The following RAMP1 variants were observed in gnomAD, a reference collection of about 807,000 sequenced individuals.
The protein encoded by RAMP1 is receptor activity modifying protein 1.
A neutral mutation model predicts 8.2 loss-of-function variants in RAMP1; 7 were observed. That is an observed-to-expected ratio of 0.85 (90% CI 0.49 to 1.60). The LOEUF (loss-of-function observed/expected upper bound fraction) is 1.60, where lower values mean the gene tolerates loss of function less well. RAMP1 is among the 40% of genes most tolerant of loss of function. The pLI is 0.00. For missense variants in RAMP1, 192 were observed against 202.4 expected, an observed-to-expected ratio of 0.95 and a Z score of 0.31; for synonymous variants, 92 against 84.7, an observed-to-expected ratio of 1.09 and a Z score of -0.47.
intron 2 of RAMP1, among the ~76,000 whole-genome samples, chr2:237,891,121 G>A (rs2062483122): frequency 1.3e-5 from 2 of 150,718 alleles, no homozygotes; most frequent in Non-Finnish European, 3.0e-5. Flanking sequence ...CTTTCTATAG[G>A]TTTTGATATG....
intron 1 of RAMP1, among the ~76,000 whole-genome samples, chr2:237,869,299 T>C (rs1406886393): frequency 1.3e-5 from 2 of 152,254 alleles, no homozygotes; most frequent in Admixed American, 6.5e-5. Flanking sequence ...CCACATAAAA[T>C]GTACCATCTT....
upstream of RAMP1, chr2:237,859,264 C>G (rs534236571): frequency 6.6e-6 from 1 of 152,520 alleles, no homozygotes; most frequent in South Asian, 2.1e-4. Context: ...GCAAGGCAAA[C>G]ACCAGGCAGG....
chr2:237,867,167 G>A (rs1417872453), intron 1 of RAMP1, among the ~76,000 whole-genome samples: 2 of 152,140 alleles, frequency 1.3e-5, no homozygotes, highest in South Asian at 2.1e-4. Flanking sequence ...TCCAGGGGGT[G>A]GAGGTTGCAA....
At position 237,877,325 on chromosome 2, in the gene RAMP1, G is replaced by C. The variant is rs760459192; in HGVS notation, c.154G>C (p.Gly52Arg). Residue 52 changes from glycine (G) to arginine (R), a missense_variant, in exon 2 of 3, where the codon GGG becomes CGG. Coordinates refer to ENST00000254661, the MANE Select transcript of RAMP1 (RefSeq NM_005855.4). The surrounding 1 kb of genome is among the most constrained non-coding windows in gnomAD (Gnocchi z 4.4). ...TQFQVDMEAV[G>R]ETLWCDWGRT... ...GTTCCAGGTAGACATGGAGGCCGTCGGGGAGACGCTGTGGTGTGACTGGGG... is the reference window on the plus strand; with the variant it reads ...GTTCCAGGTAGACATGGAGGCCGTCCGGGAGACGCTGTGGTGTGACTGGGG... The C allele has an allele frequency of 1.9e-6, 3 of 1,613,874 alleles. No homozygotes were observed. The highest frequency in any genetic ancestry group is 2.5e-6 in the Non-Finnish European group (3 of 1,179,938).
At chr2:237,900,509 GA>G (rs2062586720) in intron 2 of RAMP1, among the ~76,000 whole-genome samples, 1 of 152,188 alleles carries the variant, frequency 6.6e-6, no homozygotes, top group South Asian at 2.1e-4. Context: ...GCCATTTGGA[GA>G]GATTTATTTT....
chr2:237,882,132 ATGCAAACGTCCATCTC>A (rs1420771017), intron 2 of RAMP1, among the ~76,000 whole-genome samples: 3 of 152,288 alleles, frequency 2.0e-5, no homozygotes, highest in Admixed American at 2.0e-4. Flanking sequence ...TGTCCCATTT[ATGCAAACGTCCATCTC>A]TGCTCCCCGT....
intron 2 of RAMP1, among the ~76,000 whole-genome samples, chr2:237,885,811 C>G (rs933868984): frequency 6.6e-6 from 1 of 152,228 alleles, no homozygotes; most frequent in African/African-American, 2.4e-5. Context: ...TCTGCCCCCC[C>G]TGGGTGGGAG....
Position 237,859,723 on chromosome 2 carries a change from C to T in RAMP1, c.48C>T (p.Leu16=), listed in dbSNP as rs2304437. 24,177 of 1,513,486 alleles carry T rather than the reference C, an allele frequency of 0.016. 1,837 individuals are homozygous for T. The East Asian group carries it at 0.26, about 17-fold the overall frequency. The allele number at this position is 1,513,486 out of a possible 1,614,324, so 93.8% of individuals were successfully genotyped here. The part of the protein sequence containing the change: ...CRLPRRGLWL[L]LAHHLFMTTA... ...TCCCGCGGCGCGGCCTCTGGCTGCT[C>T]CTGGGTGAGTAGGTCCAGGGGTCCC... is the stretch of plus-strand genomic sequence containing the variant. Residue 16 remains leucine, a synonymous_variant, in exon 1 of 3, where the codon CTC becomes CTT. Transcript: ENST00000254661.
chr2:237,885,561 C>T (rs1209040392), intron 2 of RAMP1, among the ~76,000 whole-genome samples: 6 of 152,356 alleles, frequency 3.9e-5, no homozygotes, highest in African/African-American at 7.2e-5. Flanking sequence ...GGTGGAATAG[C>T]GTGGGCTCCA....
intron 1 of RAMP1, among the ~76,000 whole-genome samples, chr2:237,867,465 GC>G (rs1242222563): frequency 9.5e-6 from 1 of 105,524 alleles, no homozygotes; most frequent in African/African-American, 3.7e-5. Flanking sequence ...GGGGCCAGAT[GC>G]TTTTTTATTG....
rs529245315 is a variant in RAMP1, at chr2:237,901,066, G to A, written c.192-10462G>A. 8.5e-5 allele frequency among the ~76,000 whole-genome samples: 13 copies of A among 152,364 alleles called. No homozygotes were observed. In the South Asian group the frequency reaches 2.5e-3, roughly 29 times the overall value. On this transcript the variant is annotated intron_variant, in intron 2 of 2. Transcript: ENST00000254661. Reference sequence around the variant, plus strand: ...CCTGGCAGCTGCGGGCTGTCTGTACGCTGTGGCGCAGTGCCAGCTGTCCTG... The same window carrying A: ...CCTGGCAGCTGCGGGCTGTCTGTACACTGTGGCGCAGTGCCAGCTGTCCTG...
intron 2 of RAMP1, among the ~76,000 whole-genome samples, chr2:237,900,142 CTGTTTTT>C (rs1294001228): frequency 6.6e-5 from 10 of 151,968 alleles, no homozygotes; most frequent in South Asian, 2.1e-4. Flanking sequence ...TTTTTCTTTT[CTGTTTTT>C]TGTTTTTTGT....
chr2:237,909,847 G>A (rs2062691941), intron 2 of RAMP1, among the ~76,000 whole-genome samples: 1 of 152,080 alleles, frequency 6.6e-6, no homozygotes, highest in African/African-American at 2.4e-5. Flanking sequence ...GCAGAGTCCT[G>A]AGAGCACCTA....
chr2:237,869,300 G>A (rs2062220057), intron 1 of RAMP1, among the ~76,000 whole-genome samples: 1 of 152,194 alleles, frequency 6.6e-6, no homozygotes, highest in Non-Finnish European at 1.5e-5. Context: ...CACATAAAAT[G>A]TACCATCTTA....
chr2:237,902,024 G>A, intron 2 of RAMP1, among the ~76,000 whole-genome samples: 1 of 152,118 alleles, frequency 6.6e-6, no homozygotes. Flanking sequence ...GCATGGCATG[G>A]GGGCCCTGAG....
In RAMP1 at chr2:237,859,623, A is replaced by G. The variant is rs1481267992; in HGVS notation, c.-53A>G. ...TCCGGGCCCGCGCCGCGGCGGGCTCAGTCCTCAGCGGGGCGCGTGGCGAGC... is the reference window on the plus strand; with the variant it reads ...TCCGGGCCCGCGCCGCGGCGGGCTCGGTCCTCAGCGGGGCGCGTGGCGAGC... On this transcript the variant is annotated 5_prime_UTR_variant, in exon 1 of 3. Transcript: ENST00000254661. 4.0e-5 allele frequency: 51 copies of G among 1,290,748 alleles called. 1 individual carries two copies. The highest frequency in any genetic ancestry group is 1.3e-5 in the Non-Finnish European group (13 of 1,010,898). 80.0% of individuals were successfully genotyped at this position (1,290,748 alleles called of 1,614,324 possible).
In RAMP1 at chr2:237,877,164, G is replaced by C; in HGVS notation, c.53-60G>C. ...GGGCTGCAGGGGCGCGCGGGCTGGCGGTGATACCCCTAGGCCTCTGCTGCC... is the reference window on the plus strand; with the variant it reads ...GGGCTGCAGGGGCGCGCGGGCTGGCCGTGATACCCCTAGGCCTCTGCTGCC... On this transcript the variant is annotated intron_variant, in intron 1 of 2. Coordinates refer to ENST00000254661, the MANE Select transcript of RAMP1 (RefSeq NM_005855.4). This position sits in a 1 kb window ranked among gnomAD's most constrained non-coding sequence, Gnocchi z 4.4. 1 of 1,608,692 alleles carries C rather than the reference G, an allele frequency of 6.2e-7. No homozygotes were observed. Among genetic ancestry groups the C allele is most frequent in the Non-Finnish European group, 8.5e-7 (1 of 1,179,146 alleles).
chr2:237,861,705 G>A (rs10170060), intron 1 of RAMP1, among the ~76,000 whole-genome samples: 14,644 of 151,970 alleles, frequency 0.096, 1,934 homozygotes, highest in African/African-American at 0.3. Context: ...AAAAAAATTA[G>A]GCAGGCATGG....
At chr2:237,880,852 C>G (rs1218332729) in intron 2 of RAMP1, among the ~76,000 whole-genome samples, 1 of 152,178 alleles carries the variant, frequency 6.6e-6, no homozygotes, top group African/African-American at 2.4e-5. Context: ...CACAGTGACC[C>G]CTAGACTAGT....
Sources: allele counts gnomAD v4.1 joint callset (sites outside exome capture counted in the v4.1 genomes callset), GRCh38; gene constraint gnomAD v4.1.1; non-coding constraint Gnocchi (gnomAD v3.1); transcripts MANE v1.5; gene names NCBI Gene and HGNC (gene_info 2026-07-23, HGNC 2026-07-21).